The following ERBIN variants were observed in gnomAD, a reference collection of about 807,000 sequenced individuals.
The protein encoded by ERBIN is erbb2 interacting protein, also known as densin-180-like protein.
A neutral mutation model predicts 158.4 loss-of-function variants in ERBIN; 60 were observed. The ratio of observed to expected loss-of-function variants is 0.38; its 90% CI spans 0.31 to 0.47. The LOEUF (loss-of-function observed/expected upper bound fraction) is 0.47. ERBIN is among the 20% of genes least tolerant of loss of function. ERBIN has a pLI of 0.99. For missense variants in ERBIN, 1,610 were observed against 1,648.0 expected (o/e 0.98, Z 0.40); for synonymous variants, 594 against 557.2 (o/e 1.07, Z -0.93).
intron 1 of ERBIN, among the ~76,000 whole-genome samples, chr5:65,978,752 T>C (rs1452738767): frequency 6.6e-6 from 1 of 152,184 alleles, no homozygotes; most frequent in Non-Finnish European, 1.5e-5. Context: ...TAATTAAGCA[T>C]GATGCTTGGG....
chr5:66,035,565 G>T lies in ERBIN; in HGVS notation c.1207-2818G>T, dbSNP rs550047356. On this transcript the variant is annotated intron_variant, in intron 14 of 25. Coordinates refer to ENST00000284037, the MANE Select transcript of ERBIN (RefSeq NM_001253697.2). Reference sequence around the variant, plus strand: ...TCACTGTCATCTTTCACTTAGACCTGCACTGTCCAGTACCATAGCCACTAG... The same window carrying T: ...TCACTGTCATCTTTCACTTAGACCTTCACTGTCCAGTACCATAGCCACTAG... Among the ~76,000 whole-genome samples the T allele has an allele frequency of 1.3e-3, 195 of 152,212 alleles. 3 individuals are homozygous for T. The South Asian group carries it at 0.039, about 30-fold the overall frequency.
At chr5:66,018,926 C>T (rs1320603419) in intron 7 of ERBIN, among the ~76,000 whole-genome samples, 1 of 151,520 alleles carries the variant, frequency 6.6e-6, no homozygotes, top group Middle Eastern at 3.2e-3. Context: ...TGAGCCAGTG[C>T]ACCTGGCCGG....
At chr5:66,054,973 A>C (rs1580482946) in intron 21 of ERBIN, 22 bp downstream of exon 21, 1 of 1,527,094 alleles carries the variant, frequency 6.5e-7, no homozygotes, top group African/African-American at 1.4e-5. Flanking sequence ...TGAGTTTTTC[A>C]TTATTTTCTT....
At chr5:65,987,352 TAGTG>T (rs1257200240) in intron 1 of ERBIN, among the ~76,000 whole-genome samples, 3 of 50,526 alleles carry the variant, frequency 5.9e-5, no homozygotes, top group East Asian at 3.5e-4. Flanking sequence ...TTGGGCAACA[TAGTG>T]AGAGACTGTC....
intron 1 of ERBIN, among the ~76,000 whole-genome samples, chr5:65,957,697 G>A (rs1008524995): frequency 2.0e-5 from 3 of 152,164 alleles, no homozygotes; most frequent in Non-Finnish European, 4.4e-5. Flanking sequence ...AACCGCCATC[G>A]TCATCATGGC....
chr5:65,963,976 T>G (rs1201397323), intron 1 of ERBIN, among the ~76,000 whole-genome samples: 1 of 152,016 alleles, frequency 6.6e-6, no homozygotes, highest in Non-Finnish European at 1.5e-5. Flanking sequence ...ATTTTTTGTA[T>G]TTTTAGTAGA....
intron 1 of ERBIN, among the ~76,000 whole-genome samples, chr5:65,929,932 G>T (rs1685175620): frequency 6.6e-6 from 1 of 152,040 alleles, no homozygotes; most frequent in Non-Finnish European, 1.5e-5. Context: ...GAGCCACTGA[G>T]CCCGGCCTAC....
chr5:65,977,139 C>T (rs1453600628), intron 1 of ERBIN, among the ~76,000 whole-genome samples: 2 of 141,752 alleles, frequency 1.4e-5, no homozygotes, highest in Admixed American at 7.0e-5. Context: ...GCTGGCCGGG[C>T]GGGGGGCTGA....
At position 66,018,529 on chromosome 5, in the gene ERBIN, ATAT is replaced by A. The variant is rs1755193493; in HGVS notation, c.534-2789_534-2787del. ...TATTATATATTATATAATATATATT[ATAT>A]TATATAATATATATTATATATTATA... is the stretch of plus-strand genomic sequence containing the variant. On this transcript the variant is annotated intron_variant, in intron 7 of 25. Transcript: ENST00000284037. Among the ~76,000 whole-genome samples the A allele has an allele frequency of 1.8e-3, 19 of 10,446 alleles. 3 individuals carry two copies. The highest frequency in any genetic ancestry group is 2.6e-3 in the Non-Finnish European group (15 of 5,706). The allele number at this position is 10,446 out of a possible 152,430, so 6.9% of individuals were successfully genotyped here.
chr5:66,064,482 A>G (rs1454673354), intron 21 of ERBIN, among the ~76,000 whole-genome samples: 2 of 152,220 alleles, frequency 1.3e-5, no homozygotes, highest in East Asian at 3.8e-4. Flanking sequence ...AAGGAAATTT[A>G]GGCACAGAAG....
intron 1 of ERBIN, chr5:65,961,105 T>A (rs1747858433): frequency 6.6e-6 from 1 of 152,250 alleles, no homozygotes; most frequent in Non-Finnish European, 1.5e-5. Flanking sequence ...ATTCCAATTT[T>A]AGGTCCACAA....
intron 20 of ERBIN, among the ~76,000 whole-genome samples, chr5:66,051,405 T>C (rs1402216723): frequency 1.3e-5 from 2 of 152,186 alleles, no homozygotes; most frequent in Admixed American, 1.3e-4. Context: ...GAGAGATAAA[T>C]GTTAATTTGT....
chr5:66,006,657 T>A (rs1753634337), intron 4 of ERBIN, among the ~76,000 whole-genome samples: 1 of 152,106 alleles, frequency 6.6e-6, no homozygotes, highest in Non-Finnish European at 1.5e-5. Context: ...GACAAAGGGC[T>A]AATATCCAGA....
chr5:66,061,372 T>C (rs1760303616), intron 21 of ERBIN, among the ~76,000 whole-genome samples: 1 of 148,646 alleles, frequency 6.7e-6, no homozygotes, highest in African/African-American at 2.6e-5. Flanking sequence ...AACCCCTGCC[T>C]TTTTTTTGTT....
intron 21 of ERBIN, among the ~76,000 whole-genome samples, chr5:66,066,723 A>G (rs1246468492): frequency 6.6e-6 from 1 of 152,200 alleles, no homozygotes; most frequent in Non-Finnish European, 1.5e-5. Context: ...CCAAACCATA[A>G]TATGATTAAC....
chr5:65,973,400 A>T (rs772834351), intron 1 of ERBIN, among the ~76,000 whole-genome samples: 28 of 151,034 alleles, frequency 1.9e-4, no homozygotes, highest in Non-Finnish European at 3.7e-4. Context: ...CTTAAAGTAT[A>T]ATAAAAATAA....
At chr5:65,985,985 G>A (rs1486511347) in intron 1 of ERBIN, among the ~76,000 whole-genome samples, 1 of 151,872 alleles carries the variant, frequency 6.6e-6, no homozygotes, top group Admixed American at 6.6e-5. Flanking sequence ...CTTGGAGTGG[G>A]GTGTTTTCTT....
intron 1 of ERBIN, among the ~76,000 whole-genome samples, chr5:65,942,307 T>G (rs1045996833): frequency 3.9e-5 from 6 of 152,220 alleles, no homozygotes; most frequent in Non-Finnish European, 7.3e-5. Context: ...TTTTTGCTTA[T>G]TATACCAGCA....
intron 4 of ERBIN, among the ~76,000 whole-genome samples, chr5:66,001,871 C>T (rs149734448): frequency 7.5e-4 from 114 of 151,988 alleles, no homozygotes; most frequent in Middle Eastern, 6.8e-3. Flanking sequence ...TAGGTATACA[C>T]GTGCCATGGT....
Sources: allele counts gnomAD v4.1 joint callset (sites outside exome capture counted in the v4.1 genomes callset), GRCh38; gene constraint gnomAD v4.1.1; transcripts MANE v1.5; gene names NCBI Gene and HGNC (gene_info 2026-07-23, HGNC 2026-07-21).